The following TBC1D5 variants were observed in gnomAD, a reference collection of about 807,000 sequenced individuals.
TBC1D5 encodes the protein TBC1 domain family, member 5.
A neutral mutation model predicts 100.3 loss-of-function variants in TBC1D5; 75 were observed. The ratio of observed to expected loss-of-function variants is 0.75; its 90% CI spans 0.62 to 0.91. The LOEUF is 0.91. Among genes scored for constraint, TBC1D5 ranks in the 40% least tolerant of loss-of-function variants. The pLI is 0.00. For missense variants in TBC1D5, 910 were observed against 942.4 expected (o/e 0.97, Z 0.45); for synonymous variants, 323 against 325.6 (o/e 0.99, Z 0.09).
chr3:17,665,770 A>G (rs1181656915), intron 1 of TBC1D5, among the ~76,000 whole-genome samples: 3 of 152,168 alleles, frequency 2.0e-5, no homozygotes, highest in African/African-American at 4.8e-5. Context: ...TCACCTAAAC[A>G]ATCCAAATCT....
chr3:17,340,871 T>A (rs2088780182), intron 13 of TBC1D5, among the ~76,000 whole-genome samples: 1 of 152,192 alleles, frequency 6.6e-6, no homozygotes, highest in African/African-American at 2.4e-5. Context: ...AAATCTTCTA[T>A]CAGTAACCCA....
intron 15 of TBC1D5, among the ~76,000 whole-genome samples, chr3:17,261,055 C>T (rs937307628): frequency 3.3e-5 from 5 of 152,096 alleles, no homozygotes; most frequent in East Asian, 1.9e-4. Context: ...CTGAAACACC[C>T]GTACACCACT....
intron 1 of TBC1D5, among the ~76,000 whole-genome samples, chr3:17,735,327 C>G (rs889046514): frequency 1.3e-5 from 2 of 152,030 alleles, no homozygotes; most frequent in Non-Finnish European, 2.9e-5. Flanking sequence ...CTAAAAGTTA[C>G]GTAGAAAACT....
chr3:17,544,568 T>A (rs1342541341), intron 2 of TBC1D5, among the ~76,000 whole-genome samples: 1 of 151,082 alleles, frequency 6.6e-6, no homozygotes. Flanking sequence ...GGAGAATCTC[T>A]TGAACCCGCG....
At chr3:17,647,845 T>C (rs2065154423) in intron 1 of TBC1D5, among the ~76,000 whole-genome samples, 1 of 152,160 alleles carries the variant, frequency 6.6e-6, no homozygotes, top group South Asian at 2.1e-4. Context: ...GTAAGGAAGC[T>C]AGTCCAAAGG....
chr3:17,704,545 G>C (rs1380757259), intron 1 of TBC1D5, among the ~76,000 whole-genome samples: 1 of 82,164 alleles, frequency 1.2e-5, no homozygotes, highest in Non-Finnish European at 2.5e-5. Context: ...CTGGCCGGGC[G>C]GGGGGCCGAC....
intron 3 of TBC1D5, among the ~76,000 whole-genome samples, chr3:17,499,695 A>AAAAAAAAATC (rs1457273797): frequency 6.0e-5 from 9 of 149,142 alleles, no homozygotes; most frequent in Admixed American, 1.3e-4. Flanking sequence ...CTCCAAAAAA[A>AAAAAAAAATC]AAAAAAAATC....
chr3:17,366,238 G>A (rs905708816), intron 13 of TBC1D5, among the ~76,000 whole-genome samples: 3 of 151,980 alleles, frequency 2.0e-5, no homozygotes, highest in Admixed American at 2.0e-4. Context: ...GCTGCAGTGA[G>A]CTGAGATCAC....
intron 14 of TBC1D5, among the ~76,000 whole-genome samples, chr3:17,306,874 T>A (rs1442098402): frequency 6.6e-6 from 1 of 152,142 alleles, no homozygotes; most frequent in Non-Finnish European, 1.5e-5. Context: ...CTTTCTCTAC[T>A]TTCCTGATGT....
chr3:17,538,058 G>A (rs2096302308), intron 2 of TBC1D5, among the ~76,000 whole-genome samples: 2 of 152,156 alleles, frequency 1.3e-5, no homozygotes, highest in South Asian at 4.1e-4. Flanking sequence ...AAAACTCAAA[G>A]TGGAGGCTTC....
intron 2 of TBC1D5, among the ~76,000 whole-genome samples, chr3:17,591,233 CAAAAAAAAAAAAAAAAAAA>C (rs60889092): frequency 0.082 from 1,536 of 18,768 alleles, 80 homozygotes; most frequent in African/African-American, 0.16. Context: ...AAGGATCTGT[CAAAAAAAAAAAAAAAAAAA>C]AAAAAAAAAA....
intron 15 of TBC1D5, among the ~76,000 whole-genome samples, chr3:17,266,698 T>C (rs2078887644): frequency 6.6e-6 from 1 of 152,138 alleles, no homozygotes; most frequent in South Asian, 2.1e-4. Flanking sequence ...TAAAAAAGAA[T>C]ATAAATATTT....
chr3:17,501,344 A>G (rs1251639496), intron 3 of TBC1D5, among the ~76,000 whole-genome samples: 1 of 149,692 alleles, frequency 6.7e-6, no homozygotes, highest in Admixed American at 6.6e-5. Context: ...TATCAAACAC[A>G]TAAGAATTAT....
At chr3:17,671,232 T>C (rs75309811) in intron 1 of TBC1D5, among the ~76,000 whole-genome samples, 3,440 of 152,296 alleles carry the variant, frequency 0.023, 111 homozygotes, top group African/African-American at 0.077. Context: ...ACAATACAGA[T>C]GCAGAAGGAC....
At chr3:17,428,486 G>C in exon 4 of TBC1D5, 1 of 1,507,060 alleles carries the variant, frequency 6.6e-7, no homozygotes, top group Non-Finnish European at 8.9e-7. Context: ...GTCTAAAGTA[G>C]AACTTGTTCT....
intron 8 of TBC1D5, among the ~76,000 whole-genome samples, chr3:17,401,079 C>G (rs1465011190): frequency 6.6e-6 from 1 of 152,032 alleles, no homozygotes; most frequent in African/African-American, 2.4e-5. Flanking sequence ...ACAGTTCTGT[C>G]CCTCTAGAGA....
At chr3:17,416,180 T>C (rs138483860) in intron 4 of TBC1D5, among the ~76,000 whole-genome samples, 1 of 152,316 alleles carries the variant, frequency 6.6e-6, no homozygotes, top group African/African-American at 2.4e-5. Flanking sequence ...CAATTATATT[T>C]TAACTGAATC....
chr3:17,327,345 C>T (rs1413054303), intron 13 of TBC1D5, among the ~76,000 whole-genome samples: 3 of 152,176 alleles, frequency 2.0e-5, no homozygotes, highest in African/African-American at 4.8e-5. Context: ...ATAAGTCAGG[C>T]GACATCATGT....
chr3:17,278,478 T>C (rs2080250771), intron 15 of TBC1D5, among the ~76,000 whole-genome samples: 1 of 152,234 alleles, frequency 6.6e-6, no homozygotes, highest in African/African-American at 2.4e-5. Context: ...ACAGAGTATT[T>C]AAATGAGATA....
Sources: allele counts gnomAD v4.1 joint callset (sites outside exome capture counted in the v4.1 genomes callset), GRCh38; gene constraint gnomAD v4.1.1; transcripts MANE v1.5; gene names NCBI Gene and HGNC (gene_info 2026-07-23, HGNC 2026-07-21).